The following NR2F1-AS1 variants were observed in gnomAD, a reference collection of about 807,000 sequenced individuals.
The protein encoded by NR2F1-AS1 is NR2F1 regulatory antisense RNA 1, also known as NR2F1 antisense RNA 1.
At chr5:93,507,052 C>T (rs114325432) in intron 4 of NR2F1-AS1, among the ~76,000 whole-genome samples, 4,470 of 152,056 alleles carry the variant, frequency 0.029, 214 homozygotes, top group African/African-American at 0.1. Context: ...ACTGACATTG[C>T]TAAATTTAGT....
intron 4 of NR2F1-AS1, among the ~76,000 whole-genome samples, chr5:93,473,933 AT>A (rs1247345144): frequency 6.6e-6 from 1 of 152,046 alleles, no homozygotes; most frequent in Non-Finnish European, 1.5e-5. Context: ...GCTTATAAAA[AT>A]ATCAGTATCC....
intron 4 of NR2F1-AS1, among the ~76,000 whole-genome samples, chr5:93,467,811 T>A (rs368028138): frequency 2.7e-4 from 41 of 151,388 alleles, no homozygotes; most frequent in African/African-American, 9.2e-4. Context: ...TTTCCCCTAA[T>A]GCTATGCCCT....
chr5:93,437,610 C>A (rs909597663), intron 4 of NR2F1-AS1, among the ~76,000 whole-genome samples: 9 of 152,098 alleles, frequency 5.9e-5, no homozygotes, highest in Admixed American at 2.6e-4. Context: ...AGATTGTTAG[C>A]AGATCATCAA....
At chr5:93,503,788 G>C (rs370262099) in intron 4 of NR2F1-AS1, among the ~76,000 whole-genome samples, 82 of 152,310 alleles carry the variant, frequency 5.4e-4, no homozygotes, top group African/African-American at 1.9e-3. Flanking sequence ...TTCATCCTGT[G>C]TGACTCCATG....
intron 4 of NR2F1-AS1, among the ~76,000 whole-genome samples, chr5:93,486,471 C>T (rs1031172365): frequency 1.6e-4 from 25 of 151,988 alleles, no homozygotes; most frequent in East Asian, 1.3e-3. Flanking sequence ...AACACCTCTA[C>T]GCAAATAAAC....
chr5:93,507,219 AT>A (rs1416772507), intron 4 of NR2F1-AS1, among the ~76,000 whole-genome samples: 3 of 152,262 alleles, frequency 2.0e-5, no homozygotes. Flanking sequence ...TAATAGTAAA[AT>A]TTTAAAGCAT....
At chr5:93,461,287 A>T (rs1286912615) in intron 4 of NR2F1-AS1, among the ~76,000 whole-genome samples, 1 of 152,198 alleles carries the variant, frequency 6.6e-6, no homozygotes, top group Non-Finnish European at 1.5e-5. Context: ...AATGATGAAC[A>T]CATGGACACA....
At chr5:93,581,734 CCCCCTCTCCCTCTCCCTCTCCCTCTCCT>C (rs1753057628), upstream of NR2F1-AS1, among the ~76,000 whole-genome samples, 1 of 51,568 alleles carries the variant, frequency 1.9e-5, no homozygotes, top group African/African-American at 1.3e-4. Context: ...CTCTCTCTCT[CCCCCTCTCCCTCTCCCTCTCCCTCTCCT>C]CTCTCCCTCT....
intron 4 of NR2F1-AS1, among the ~76,000 whole-genome samples, chr5:93,540,092 CTA>C: frequency 1.3e-5 from 2 of 152,164 alleles, no homozygotes. Context: ...CAATAAATTT[CTA>C]TGTGATCAGT....
chr5:93,440,496 C>T (rs886221733), intron 4 of NR2F1-AS1, among the ~76,000 whole-genome samples: 3 of 152,160 alleles, frequency 2.0e-5, no homozygotes, highest in Non-Finnish European at 2.9e-5. Context: ...TGGTTTCTCC[C>T]GCCTTCAGAC....
In NR2F1-AS1 at chr5:93,500,254, G is replaced by C. The variant is rs545042116; in HGVS notation, n.638+53507C>G. Among the ~76,000 whole-genome samples, 5 of 152,290 alleles carry C rather than the reference G, an allele frequency of 3.3e-5. No individual in the cohort carries two copies. The East Asian group carries it at 9.7e-4, about 29-fold the overall frequency. ...CCTGACTTTAAAGCTTCAAAGGACA[G>C]GCTGACTCTTGCTAGGGGCTAATGC... is the stretch of plus-strand genomic sequence containing the variant. On this transcript the variant is annotated intron_variant and non_coding_transcript_variant, in intron 4 of 5. Transcript: ENST00000660523.
intron 4 of NR2F1-AS1, among the ~76,000 whole-genome samples, chr5:93,534,223 C>A (rs181268675): frequency 7.9e-4 from 120 of 152,204 alleles, no homozygotes; most frequent in African/African-American, 2.8e-3. Context: ...TCACGATTAC[C>A]CTGTGAGGTA....
At chr5:93,577,790 T>G (rs1752929377) in intron 1 of NR2F1-AS1, among the ~76,000 whole-genome samples, 1 of 152,200 alleles carries the variant, frequency 6.6e-6, no homozygotes, top group South Asian at 2.1e-4. Context: ...TCTCAATGAT[T>G]GCAGGCATGT....
At chr5:93,483,696 AC>A (rs1198036759) in intron 4 of NR2F1-AS1, among the ~76,000 whole-genome samples, 1 of 152,168 alleles carries the variant, frequency 6.6e-6, no homozygotes, top group African/African-American at 2.4e-5. Context: ...GAAGCTAAGA[AC>A]CTTGAAAAAA....
At chr5:93,469,683 T>C (rs903101311) in intron 4 of NR2F1-AS1, among the ~76,000 whole-genome samples, 1 of 152,072 alleles carries the variant, frequency 6.6e-6, no homozygotes, top group Admixed American at 6.6e-5. Context: ...GAAATACATG[T>C]TGAATCAATA....
intron 4 of NR2F1-AS1, among the ~76,000 whole-genome samples, chr5:93,465,310 C>A (rs1172406279): frequency 6.6e-6 from 1 of 152,184 alleles, no homozygotes; most frequent in Non-Finnish European, 1.5e-5. Flanking sequence ...ATGCAGCCAA[C>A]AGACACATCA....
rs187541921 is a variant in NR2F1-AS1 at position 93,468,318 on chromosome 5, C to T, written n.639-72776G>A. 8.0e-3 allele frequency among the ~76,000 whole-genome samples: 1,215 copies of T among 152,256 alleles called. 6 individuals are homozygous for T. Among genetic ancestry groups the T allele is most frequent in the Non-Finnish European group, 0.011 (753 of 68,024 alleles). On this transcript the variant is annotated intron_variant and non_coding_transcript_variant, in intron 4 of 5. Transcript: ENST00000660523. ...CCACATGCTCTCCAGCATGTTGTTT[C>T]CTGACTTTTTAATGATCGCCATTCT...
intron 4 of NR2F1-AS1, among the ~76,000 whole-genome samples, chr5:93,413,228 GTA>G (rs769121658): frequency 3.6e-3 from 517 of 144,048 alleles, no homozygotes; most frequent in African/African-American, 0.01. Context: ...ATATGTGTGT[GTA>G]TATATATATA....
Position 93,493,522 on chromosome 5 carries a change from A to C in NR2F1-AS1, n.638+60239T>G, listed in dbSNP as rs79867689. ...TCCTCAAATTCATATGGAACTGTAC[A>C]GAACCCCAAATAGCCAAAACAATAT... On this transcript the variant is annotated intron_variant and non_coding_transcript_variant, in intron 4 of 5. Coordinates refer to ENST00000660523, the Ensembl canonical transcript of NR2F1-AS1. Among the ~76,000 whole-genome samples, 367 of 152,256 alleles carry C rather than the reference A, an allele frequency of 2.4e-3. 2 individuals are homozygous for C. The highest frequency in any genetic ancestry group is 8.3e-3 in the African/African-American group (346 of 41,570).
Sources: gnomAD v4.1 joint callset for allele counts (sites outside exome capture counted in the v4.1 genomes callset) on GRCh38, gnomAD v4.1.1 for gene constraint, MANE v1.5 for transcripts, NCBI Gene and HGNC (gene_info 2026-07-23, HGNC 2026-07-21) for gene names.